Variants in XPO7 observed in about 807,000 individuals in gnomAD.
The protein encoded by XPO7 is exportin-7.
In XPO7, 21 loss-of-function variants were observed where a neutral mutation model predicts 144.3. The ratio of observed to expected loss-of-function variants is 0.15; its 90% CI spans 0.10 to 0.21. XPO7 has a LOEUF of 0.21. XPO7 is among the 10% of genes least tolerant of loss of function. The pLI is 1.00. For missense variants in XPO7, 808 were observed against 1,325.8 expected, an observed-to-expected ratio of 0.61 and a Z score of 6.06; for synonymous variants, 580 against 499.6, an observed-to-expected ratio of 1.16 and a Z score of -2.15.
chr8:22,000,823 G>A (rs1290195682), intron 24 of XPO7, among the ~76,000 whole-genome samples: 6 of 152,154 alleles, frequency 3.9e-5, no homozygotes, highest in African/African-American at 1.2e-4. Flanking sequence ...CAAAACATAA[G>A]TAGGAGGATT....
chr8:21,983,939 G>T (rs1812487512), intron 11 of XPO7, among the ~76,000 whole-genome samples: 1 of 152,166 alleles, frequency 6.6e-6, no homozygotes, highest in South Asian at 2.1e-4. Flanking sequence ...AAATCTAGGA[G>T]CTGGCAGATA....
At chr8:21,984,340 C>T (rs1812506040) in intron 11 of XPO7, among the ~76,000 whole-genome samples, 1 of 152,048 alleles carries the variant, frequency 6.6e-6, no homozygotes, top group Non-Finnish European at 1.5e-5. Context: ...GACTAAGAGT[C>T]AAGAGGTCAG....
At position 21,974,650 on chromosome 8, in the gene XPO7, TTTC is replaced by T. The variant is rs752128659; in HGVS notation, c.493-14_493-12del. 10 of 1,530,160 alleles carry T rather than the reference TTTC, an allele frequency of 6.5e-6. No individual in the cohort carries two copies. The highest frequency in any genetic ancestry group is 2.3e-5 in the Admixed American group (1 of 44,224). 94.8% of individuals were successfully genotyped at this position (1,530,160 alleles called of 1,614,324 possible). A position where few individuals can be genotyped will look rare whatever the true frequency, so the allele number is the denominator to read the frequency against. ...TTTTGCAATTAATTCTTTGCATTGG[TTTC>T]TTCTTTTTCTGCACAGGCAGACACC... On this transcript the variant is annotated splice_polypyrimidine_tract_variant and intron_variant, in intron 5 of 27. Coordinates refer to ENST00000252512, the MANE Select transcript of XPO7 (RefSeq NM_015024.5).
intron 13 of XPO7, 96 bp from the exon 14 acceptor site, chr8:21,987,045 A>C (rs1812601586): frequency 1.3e-6 from 2 of 1,541,328 alleles, no homozygotes; most frequent in Non-Finnish European, 8.8e-7. Flanking sequence ...GCTGTACCCA[A>C]GTACAGGCAT....
At chr8:21,930,457 G>C (rs1032844219) in intron 1 of XPO7, among the ~76,000 whole-genome samples, 3 of 152,154 alleles carry the variant, frequency 2.0e-5, no homozygotes, top group African/African-American at 7.2e-5. Flanking sequence ...AGACGTAAGG[G>C]TCAGTCCTCC....
chr8:21,933,498 T>G (rs1810722913), intron 1 of XPO7, among the ~76,000 whole-genome samples: 1 of 152,228 alleles, frequency 6.6e-6, no homozygotes, highest in Non-Finnish European at 1.5e-5. Flanking sequence ...GCCTCAAGGC[T>G]ATATATATCA....
chr8:21,932,744 A>G (rs1031281630), intron 1 of XPO7, among the ~76,000 whole-genome samples: 2 of 152,208 alleles, frequency 1.3e-5, no homozygotes, highest in South Asian at 4.1e-4. Context: ...ACCACAGGTC[A>G]GTAGGCCAGG....
intron 1 of XPO7, among the ~76,000 whole-genome samples, chr8:21,922,339 A>G (rs1810315801): frequency 6.6e-6 from 1 of 152,130 alleles, no homozygotes; most frequent in South Asian, 2.1e-4. Context: ...TAATATTTGG[A>G]TTGCCCTTTA....
intron 19 of XPO7, among the ~76,000 whole-genome samples, chr8:21,992,468 A>G (rs1295589450): frequency 6.6e-6 from 1 of 152,168 alleles, no homozygotes; most frequent in Non-Finnish European, 1.5e-5. Flanking sequence ...GTTTTTTGTG[A>G]TTTCTAATTT....
chr8:21,979,957 T>C, intron 8 of XPO7, 127 bp from the exon 9 acceptor site: 1 of 1,186,610 alleles, frequency 8.4e-7, no homozygotes, highest in East Asian at 2.8e-5. Context: ...TTCTTTTCTT[T>C]TCTCTTTTTA....
intron 1 of XPO7, among the ~76,000 whole-genome samples, chr8:21,948,398 AG>A (rs1315121407): frequency 2.0e-5 from 3 of 152,212 alleles, no homozygotes; most frequent in Admixed American, 1.3e-4. Flanking sequence ...ACAGGTTTGT[AG>A]CCTAGGAGCA....
chr8:22,002,020 C>T (rs1813165650), intron 24 of XPO7, 92 bp from the exon 25 acceptor site: 7 of 1,451,210 alleles, frequency 4.8e-6, no homozygotes, highest in East Asian at 2.5e-5. Flanking sequence ...GAATTGGCCA[C>T]GGTACCCTAA....
At chr8:21,926,326 G>T (rs1326404443) in intron 1 of XPO7, among the ~76,000 whole-genome samples, 5 of 152,050 alleles carry the variant, frequency 3.3e-5, no homozygotes. Flanking sequence ...TTGGTACTTT[G>T]CATGATAAGA....
At chr8:21,936,839 T>C (rs1315421823) in intron 1 of XPO7, among the ~76,000 whole-genome samples, 1 of 152,198 alleles carries the variant, frequency 6.6e-6, no homozygotes, top group East Asian at 1.9e-4. Flanking sequence ...CTCTTCTTTT[T>C]TCATTTGAAA....
intron 5 of XPO7, among the ~76,000 whole-genome samples, chr8:21,972,174 A>G (rs1157100663): frequency 6.8e-6 from 1 of 147,264 alleles, no homozygotes; most frequent in Non-Finnish European, 1.5e-5. Flanking sequence ...TTTCCATCTT[A>G]GCTTTTTTTT....
At chr8:21,990,660 C>G in intron 17 of XPO7, 151 bp from the exon 18 acceptor site, 1 of 800,234 alleles carries the variant, frequency 1.2e-6, no homozygotes, top group Admixed American at 2.7e-5. Context: ...ACAACGGTAG[C>G]CTGCCTTCAA....
chr8:21,972,790 C>T (rs543966021), intron 5 of XPO7, among the ~76,000 whole-genome samples: 17 of 152,182 alleles, frequency 1.1e-4, no homozygotes, highest in Non-Finnish European at 2.4e-4. Context: ...TGCTATTGCT[C>T]ATAATTCTGC....
intron 19 of XPO7, 58 bp from the exon 20 acceptor site, chr8:21,994,305 A>C: frequency 7.6e-7 from 1 of 1,311,054 alleles, no homozygotes; most frequent in Non-Finnish European, 1.1e-6. Context: ...AATCCTCATC[A>C]GATTGTTACA....
intron 1 of XPO7, among the ~76,000 whole-genome samples, chr8:21,938,148 TA>T (rs1218285948): frequency 2.0e-5 from 3 of 152,196 alleles, no homozygotes. Context: ...TGTGCAACTA[TA>T]AACAGATTTA....
Sources: gnomAD v4.1 joint callset for allele counts (sites outside exome capture counted in the v4.1 genomes callset) on GRCh38, gnomAD v4.1.1 for gene constraint, MANE v1.5 for transcripts, NCBI Gene and HGNC (gene_info 2026-07-23, HGNC 2026-07-21) for gene names.